The following PGBD5 variants were observed in gnomAD, a reference collection of about 807,000 sequenced individuals.
PGBD5 encodes piggyBac transposable element-derived protein 5.
In PGBD5, 14 loss-of-function variants were observed where a neutral mutation model predicts 47.9. That is an observed-to-expected ratio of 0.29 (90% CI 0.19 to 0.46). The LOEUF is 0.46. Ranked by LOEUF, PGBD5 falls within the 20% of genes least tolerant of loss-of-function variation. The pLI, the probability that PGBD5 is intolerant of heterozygous loss-of-function variation, is 1.00. For missense variants in PGBD5, 635 were observed against 716.0 expected (o/e 0.89, Z 1.29); for synonymous variants, 316 against 306.3 (o/e 1.03, Z -0.33).
At chr1:230,399,387 C>T (rs931460345) in intron 1 of PGBD5, among the ~76,000 whole-genome samples, 3 of 152,180 alleles carry the variant, frequency 2.0e-5, no homozygotes, top group Non-Finnish European at 2.9e-5. Context: ...GCTCAGAACA[C>T]GAGGCCCAGG....
chr1:230,347,983 T>G (rs1667500988), intron 3 of PGBD5, among the ~76,000 whole-genome samples: 1 of 152,202 alleles, frequency 6.6e-6, no homozygotes, highest in Non-Finnish European at 1.5e-5. Context: ...TCAAATCTTT[T>G]CACATACCAC....
chr1:230,332,912 G>A lies in PGBD5; in HGVS notation c.1205C>T (p.Ser402Phe). 6.2e-7 allele frequency: 1 copy of A among 1,614,236 alleles called. No individual in the cohort carries two copies. The highest frequency in any genetic ancestry group is 8.5e-7 in the Non-Finnish European group (1 of 1,180,034). ...QYQIKMKGNM[S>F]LICWYNKGHF... Reference sequence around the variant, plus strand: ...TCCTTTGTTGTACCAGCAGATCAAGGACATGTTCCCCTTCATCTTGATTTG... The same window carrying A: ...TCCTTTGTTGTACCAGCAGATCAAGAACATGTTCCCCTTCATCTTGATTTG... Residue 402 changes from serine to phenylalanine, a missense_variant, in exon 5 of 7, where the codon TCC becomes TTC. Physicochemically the swap from Ser to Phe is radical, Grantham distance 155 (BLOSUM62 -2). Coordinates refer to ENST00000391860, the MANE Select transcript of PGBD5 (RefSeq NM_001258311.2).
At chr1:230,324,361 T>G (rs762032090) in intron 6 of PGBD5, among the ~76,000 whole-genome samples, 4 of 152,256 alleles carry the variant, frequency 2.6e-5, no homozygotes, top group African/African-American at 4.8e-5. Flanking sequence ...AAGGTGCCAG[T>G]ACATAGTAGG....
rs563502767 is a variant in PGBD5 at position 230,316,010 on chromosome 1, A to C, written c.*7415T>G. 5 of 139,786 alleles carry C rather than the reference A, an allele frequency of 3.6e-5. No homozygotes were observed. Among genetic ancestry groups the C allele is most frequent in the African/African-American group, 1.4e-4 (5 of 36,248 alleles). The allele number at this position is 139,786 out of a possible 1,614,324, so 8.7% of individuals were successfully genotyped here. A position where few individuals can be genotyped will look rare whatever the true frequency, so the allele number is the denominator to read the frequency against. On this transcript the variant is annotated 3_prime_UTR_variant, in exon 7 of 7. Transcript: ENST00000391860. ...TATACATACATAAGTATATGTGTAC[A>C]CATATATGTATGTGTATACATACAT...
chr1:230,351,936 A>C (rs898373368), intron 2 of PGBD5, among the ~76,000 whole-genome samples: 1 of 152,226 alleles, frequency 6.6e-6, no homozygotes, highest in African/African-American at 2.4e-5. Context: ...CTGCTTCTTC[A>C]AGGTAAAGCT....
Position 230,425,936 on chromosome 1 carries a change from G to A in PGBD5, c.-8C>T, listed in dbSNP as rs1328814596. The A allele has an allele frequency of 2.4e-5, 22 of 918,244 alleles. No homozygotes were observed. Among genetic ancestry groups the A allele is most frequent in the African/African-American group, 3.0e-5 (1 of 32,984 alleles). 56.9% of individuals were successfully genotyped at this position (918,244 alleles called of 1,614,324 possible). A position where few individuals can be genotyped will look rare whatever the true frequency, so the allele number is the denominator to read the frequency against. ...CCCGCCGCCCTCGGCCATGGCCCCG[G>A]CCGCCGCCCGCGCGCCCGCCCCCAC... On this transcript the variant is annotated 5_prime_UTR_variant, in exon 1 of 7. Transcript: ENST00000391860. This position sits in a 1 kb window ranked among gnomAD's most constrained non-coding sequence, Gnocchi z 4.7.
intron 3 of PGBD5, among the ~76,000 whole-genome samples, chr1:230,344,555 T>C (rs957832542): frequency 3.0e-4 from 45 of 152,324 alleles, no homozygotes; most frequent in African/African-American, 1.0e-3. Context: ...CAGAAGCAGC[T>C]GCCAGAATCC....
At position 230,366,279 on chromosome 1, in the gene PGBD5, C is replaced by T. The variant is rs376855908; in HGVS notation, c.332-8958G>A. On this transcript the variant is annotated intron_variant, in intron 1 of 6. Coordinates refer to ENST00000391860, the MANE Select transcript of PGBD5 (RefSeq NM_001258311.2). ...CCATAGATTTCACTCATCCTTAGTA[C>T]AAAACTAAAACATAGTGCTGTCTGT... Among the ~76,000 whole-genome samples, 27 of 152,256 alleles carry T rather than the reference C, an allele frequency of 1.8e-4. 1 individual carries two copies. Among genetic ancestry groups the T allele is most frequent in the African/African-American group, 6.5e-4 (27 of 41,530 alleles).
In PGBD5 at chr1:230,402,120, T is replaced by TA. The variant is rs199972009; in HGVS notation, c.331+23477dup. On this transcript the variant is annotated intron_variant, in intron 1 of 6. Transcript: ENST00000391860. ...GGCTCAGATTTTTCCAGTCTTTCCTTAAAAAAAAAGAAATGAACATGCCAA... is the reference window on the plus strand; with the variant it reads ...GGCTCAGATTTTTCCAGTCTTTCCTTAAAAAAAAAAGAAATGAACATGCCAA... Among the ~76,000 whole-genome samples, 370 of 151,342 alleles carry TA rather than the reference T, an allele frequency of 2.4e-3. 4 individuals are homozygous for TA. Among genetic ancestry groups the TA allele is most frequent in the East Asian group, 0.024 (122 of 5,166 alleles).
At chr1:230,374,616 C>T (rs1667983086) in intron 1 of PGBD5, among the ~76,000 whole-genome samples, 1 of 152,132 alleles carries the variant, frequency 6.6e-6, no homozygotes, top group Non-Finnish European at 1.5e-5. Context: ...TTTCTCAATA[C>T]AATTTCTGGA....
intron 3 of PGBD5, among the ~76,000 whole-genome samples, chr1:230,343,331 T>C (rs1667434465): frequency 6.6e-6 from 1 of 152,226 alleles, no homozygotes; most frequent in South Asian, 2.1e-4. Flanking sequence ...CTCATGTCTG[T>C]GCAGTTGAAG....
intron 1 of PGBD5, among the ~76,000 whole-genome samples, chr1:230,362,538 C>T (rs1465700032): frequency 6.6e-6 from 1 of 152,162 alleles, no homozygotes; most frequent in Non-Finnish European, 1.5e-5. Flanking sequence ...TCCTGACCCC[C>T]AGGCCAGCTT....
intron 1 of PGBD5, among the ~76,000 whole-genome samples, chr1:230,375,928 T>A (rs144699457): frequency 3.5e-4 from 53 of 151,936 alleles, no homozygotes; most frequent in African/African-American, 1.3e-3. Flanking sequence ...TTGTTGGTTG[T>A]GTGCCCTGTG....
chr1:230,366,107 G>T (rs1019007411), intron 1 of PGBD5, among the ~76,000 whole-genome samples: 1 of 151,608 alleles, frequency 6.6e-6, no homozygotes, highest in Non-Finnish European at 1.5e-5. Context: ...GCCAGGAGGG[G>T]ACAGGGCTAA....
Position 230,425,452 on chromosome 1 carries a change from A to T in PGBD5, c.331+146T>A. 2 of 588,974 alleles carry T rather than the reference A, an allele frequency of 3.4e-6. No homozygotes were observed. The highest frequency in any genetic ancestry group is 4.9e-6 in the Non-Finnish European group (2 of 409,216). 36.5% of individuals were successfully genotyped at this position (588,974 alleles called of 1,614,324 possible). On this transcript the variant is annotated intron_variant, in intron 1 of 6. Transcript: ENST00000391860. This position sits in a 1 kb window ranked among gnomAD's most constrained non-coding sequence, Gnocchi z 4.7. ...GCCCCCAGGAGCAGTCAGACCGATC[A>T]CCGCTCCTGCAGCCTCATTTGTTTC...
chr1:230,339,181 A>T (rs78980876), intron 3 of PGBD5, among the ~76,000 whole-genome samples: 21,684 of 152,156 alleles, frequency 0.14, 1,832 homozygotes, highest in East Asian at 0.38. Flanking sequence ...GTGCTTCCCC[A>T]CTTTATTTAA....
chr1:230,418,987 G>A (rs1440078592), intron 1 of PGBD5, among the ~76,000 whole-genome samples: 26 of 152,244 alleles, frequency 1.7e-4, no homozygotes, highest in Admixed American at 1.7e-3. Context: ...TGCAGCCACT[G>A]TGCAGAGAAC....
At position 230,416,244 on chromosome 1, in the gene PGBD5, G is replaced by A. The variant is rs537916177; in HGVS notation, c.331+9354C>T. On this transcript the variant is annotated intron_variant, in intron 1 of 6. Coordinates refer to ENST00000391860, the MANE Select transcript of PGBD5 (RefSeq NM_001258311.2). ...GAAATCCTCATATTTGGTGGCATTGGTGTCTCTGGGGTAAGAAACTCACTC... is the reference window on the plus strand; with the variant it reads ...GAAATCCTCATATTTGGTGGCATTGATGTCTCTGGGGTAAGAAACTCACTC... 2.0e-5 allele frequency among the ~76,000 whole-genome samples: 3 copies of A among 152,242 alleles called. No individual in the cohort carries two copies. The South Asian group carries it at 6.2e-4, about 32-fold the overall frequency.
In PGBD5 at chr1:230,319,074, CG is replaced by C. The variant is rs1666994889; in HGVS notation, c.*4350del. On this transcript the variant is annotated 3_prime_UTR_variant, in exon 7 of 7. Coordinates refer to ENST00000391860, the MANE Select transcript of PGBD5 (RefSeq NM_001258311.2). ...AGTCAGGGATAAAATCCCCCGTCCT[CG>C]TGATGAATCAGGACAGCCAGTGCCC... 1 of 152,276 alleles carries C rather than the reference CG, an allele frequency of 6.6e-6. No homozygotes were observed. Among genetic ancestry groups the C allele is most frequent in the African/African-American group, 2.4e-5 (1 of 41,460 alleles). The allele number at this position is 152,276 out of a possible 1,614,324, so 9.4% of individuals were successfully genotyped here.
Sources: allele counts gnomAD v4.1 joint callset (sites outside exome capture counted in the v4.1 genomes callset), GRCh38; gene constraint gnomAD v4.1.1; non-coding constraint Gnocchi (gnomAD v3.1); transcripts MANE v1.5; gene names NCBI Gene and HGNC (gene_info 2026-07-23, HGNC 2026-07-21).